IDI1: variants seen among roughly 807,000 people sequenced by gnomAD.
The protein encoded by IDI1 is isopentenyl-diphosphate delta isomerase 1, also known as isopentenyl-diphosphate Delta-isomerase 1.
A neutral mutation model predicts 32.9 loss-of-function variants in IDI1; 23 were observed. The ratio of observed to expected loss-of-function variants is 0.70; its 90% CI spans 0.50 to 0.99. The LOEUF (loss-of-function observed/expected upper bound fraction) is 0.99. Among genes scored for constraint, IDI1 ranks in the 50% least tolerant of loss-of-function variants. The pLI is 0.00. For missense variants in IDI1, 326 were observed against 351.9 expected (o/e 0.93, Z 0.59); for synonymous variants, 133 against 128.2 (o/e 1.04, Z -0.25).
Position 1,041,285 on chromosome 10 carries a change from A to G in IDI1, c.757T>C (p.Trp253Arg). Residue 253 changes from tryptophan (W) to arginine (R), a missense_variant, in exon 5 of 5, where the codon TGG becomes CGG. Trp to Arg is a moderately radical substitution (Grantham distance 101). Coordinates refer to ENST00000381344, the MANE Select transcript of IDI1 (RefSeq NM_004508.4). ...AAAGTCGCTGCAATAATTTTAAACC[A>G]TGGCGTTATCTTAATTTCACCACTG... is the stretch of plus-strand genomic sequence containing the variant. The part of the protein sequence containing the change: ...AASGEIKITP[W>R]FKIIAATFLF... The G allele has an allele frequency of 6.2e-7, 1 of 1,613,382 alleles. No individual in the cohort carries two copies. Among genetic ancestry groups the G allele is most frequent in the Non-Finnish European group, 8.5e-7 (1 of 1,179,380 alleles).
intron 4 of IDI1, 104 bp downstream of exon 4, chr10:1,042,528 G>T (rs771680939): frequency 1.5e-5 from 17 of 1,108,462 alleles, no homozygotes; most frequent in Non-Finnish European, 2.7e-6. Flanking sequence ...AACTCCGGAG[G>T]TTACCAAGCA....
chr10:1,046,055 T>A (rs1391702810), intron 1 of IDI1, among the ~76,000 whole-genome samples: 1 of 152,232 alleles, frequency 6.6e-6, no homozygotes, highest in African/African-American at 2.4e-5. Context: ...CCAACTTCTA[T>A]AGGCTAGTTT....
intron 3 of IDI1, among the ~76,000 whole-genome samples, chr10:1,043,033 TA>T (rs2131574571): frequency 6.6e-6 from 1 of 152,364 alleles, no homozygotes; most frequent in African/African-American, 2.4e-5. Context: ...TCCTTATTAA[TA>T]CTTCTTTAAC....
At chr10:1,048,797 C>A in intron 1 of IDI1, 67 bp downstream of exon 1, 1 of 1,563,428 alleles carries the variant, frequency 6.4e-7, no homozygotes, top group East Asian at 2.4e-5. Flanking sequence ...TCCTCCCCGC[C>A]CCGTCCCGCA....
In IDI1 at chr10:1,042,727, T is replaced by C; in HGVS notation, c.442A>G (p.Ser148Gly). 6.2e-7 allele frequency: 1 copy of C among 1,613,988 alleles called. No homozygotes were observed. The highest frequency in any genetic ancestry group is 8.5e-7 in the Non-Finnish European group (1 of 1,179,896). The change falls in exon 4 of 5, where the codon AGC becomes GGC. Residue 148 changes from serine (S) to glycine (G), a missense_variant. By Grantham distance (56) the Ser-to-Gly change is moderately conservative. Coordinates refer to ENST00000381344, the MANE Select transcript of IDI1 (RefSeq NM_004508.4). ...CTTTCCTCAAGCTCGGCTGGATTGC[T>C]TAATGGATGACTACAACACGTATTC... The part of the protein sequence containing the change: ...FTNTCCSHPL[S>G]NPAELEESDA...
intron 2 of IDI1, 89 bp downstream of exon 2, chr10:1,043,910 C>A: frequency 9.2e-7 from 1 of 1,082,348 alleles, no homozygotes; most frequent in Non-Finnish European, 1.4e-6. Context: ...TTACTGAAGA[C>A]TGCACTTCCT....
At chr10:1,045,025 A>G (rs1273707493) in intron 1 of IDI1, among the ~76,000 whole-genome samples, 3 of 152,276 alleles carry the variant, frequency 2.0e-5, no homozygotes, top group Non-Finnish European at 4.4e-5. Context: ...ATGTGTCACA[A>G]AATATTTTGA....
At chr10:1,051,234 C>T (rs1428650182), upstream of IDI1, among the ~76,000 whole-genome samples, 3 of 152,200 alleles carry the variant, frequency 2.0e-5, no homozygotes, top group Admixed American at 1.3e-4. Context: ...CACTAGTAAT[C>T]TCATCAGAAA....
At chr10:1,044,333 G>T (rs918246692) in intron 1 of IDI1, 162 bp from the exon 2 acceptor site, 8 of 548,500 alleles carry the variant, frequency 1.5e-5, no homozygotes, top group Admixed American at 3.2e-5. Context: ...AGCACTATCT[G>T]GGTCATCATT....
At chr10:1,043,025 CTTA>C (rs1050649225) in intron 3 of IDI1, among the ~76,000 whole-genome samples, 1 of 151,966 alleles carries the variant, frequency 6.6e-6, no homozygotes, top group African/African-American at 2.4e-5. Context: ...AGGTAGGTTC[CTTA>C]TTAATACTTC....
chr10:1,055,742 C>A, the IDI1 span, among the ~76,000 whole-genome samples: 3 of 151,722 alleles, frequency 2.0e-5, no homozygotes, highest in East Asian at 1.9e-4. Flanking sequence ...ATCTGGATCC[C>A]CTAAATAGAA....
intron 2 of IDI1, 59 bp from the exon 3 acceptor site, chr10:1,043,452 C>T: frequency 9.8e-7 from 1 of 1,020,662 alleles, no homozygotes; most frequent in Admixed American, 1.7e-5. Flanking sequence ...TTGCCAAATT[C>T]TCTCCCTGCA....
Position 1,048,852 on chromosome 10 carries a change from C to G in IDI1, c.140+12G>C, listed in dbSNP as rs755162550. 4 of 1,604,558 alleles carry G rather than the reference C, an allele frequency of 2.5e-6. No homozygotes were observed. The highest frequency in any genetic ancestry group is 2.5e-6 in the Non-Finnish European group (3 of 1,176,808). On this transcript the variant is annotated intron_variant, in intron 1 of 4. Coordinates refer to ENST00000381344, the MANE Select transcript of IDI1 (RefSeq NM_004508.4). ...CCCCTGTCTCCCGAACTCCGCCGCC[C>G]GTCCACAGTACCTGATCAGCCTCCG...
intron 1 of IDI1, chr10:1,048,198 T>C (rs1454416675): frequency 7.9e-7 from 1 of 1,272,494 alleles, no homozygotes; most frequent in Non-Finnish European, 1.0e-6. Flanking sequence ...AGAATTCAGA[T>C]TTTAAAGCTA....
intron 4 of IDI1, 188 bp downstream of exon 4, chr10:1,042,444 A>G (rs775638450): frequency 2.7e-4 from 159 of 586,428 alleles, no homozygotes; most frequent in South Asian, 4.6e-4. Flanking sequence ...TATTGAGCTA[A>G]GTTTTGACAA....
intron 1 of IDI1, chr10:1,048,489 C>T (rs532638320): frequency 2.8e-4 from 353 of 1,244,882 alleles, no homozygotes; most frequent in Admixed American, 9.2e-4. Flanking sequence ...ATGCTGTCTA[C>T]GCTTGTTTCT....
chr10:1,044,784 G>A lies in IDI1; in HGVS notation c.141-613C>T, dbSNP rs76687789. On this transcript the variant is annotated intron_variant, in intron 1 of 4. Coordinates refer to ENST00000381344, the MANE Select transcript of IDI1 (RefSeq NM_004508.4). ...TATGAGTTTTGTCAATTTCCCCCAG[G>A]ACAGTACTTAGCTGATATCATTCTA... 2.3e-3 allele frequency among the ~76,000 whole-genome samples: 353 copies of A among 152,250 alleles called. 12 individuals carry two copies. The East Asian group carries it at 0.058, about 25-fold the overall frequency.
rs78687080 is a variant in IDI1, at chr10:1,042,736, G to T, written c.433C>A (p.His145Asn). The T allele has an allele frequency of 6.2e-7, 1 of 1,613,816 alleles. No homozygotes were observed. The highest frequency in any genetic ancestry group is 2.2e-5 in the East Asian group (1 of 44,864). The part of the protein sequence containing the change: ...PGCFTNTCCS[H>N]PLSNPAELEE... ...AGCTCGGCTGGATTGCTTAATGGAT[G>T]ACTACAACACGTATTCGTAAAACAA... Residue 145 changes from histidine to asparagine, a missense_variant, in exon 4 of 5, where the codon CAT becomes AAT. Physicochemically the swap from His to Asn is moderately conservative, Grantham distance 68. This residue lies in a region of IDI1 where 205 missense variants were observed against 273.5 expected (regional missense o/e 0.75). Coordinates refer to ENST00000381344, the MANE Select transcript of IDI1 (RefSeq NM_004508.4).
chr10:1,053,566 CA>C (rs1833068389), upstream of IDI1, among the ~76,000 whole-genome samples: 2 of 152,324 alleles, frequency 1.3e-5, no homozygotes, highest in East Asian at 1.9e-4. Flanking sequence ...AGGAGCACTT[CA>C]AATTTCCTTC....
Sources: gnomAD v4.1 joint callset for allele counts (sites outside exome capture counted in the v4.1 genomes callset) on GRCh38, gnomAD v4.1.1 for gene constraint, gnomAD v4.1.1 regional missense constraint, MANE v1.5 for transcripts, NCBI Gene and HGNC (gene_info 2026-07-23, HGNC 2026-07-21) for gene names.